Variants in ENTHD1 observed in about 807,000 individuals in gnomAD.
ENTHD1 encodes the protein ENTH domain-containing protein 1.
In ENTHD1, 23 loss-of-function variants were observed where a neutral mutation model predicts 39.1. The ratio of observed to expected loss-of-function variants is 0.59; its 90% confidence interval spans 0.42 to 0.83. The LOEUF (loss-of-function observed/expected upper bound fraction) is 0.83, where lower values mean the gene tolerates loss of function less well. Ranked by LOEUF, ENTHD1 falls within the 40% of genes least tolerant of loss-of-function variation. The pLI is 0.00. For missense variants in ENTHD1, 624 were observed against 705.4 expected (o/e 0.88, Z 1.31); for synonymous variants, 230 against 258.2 (o/e 0.89, Z 1.05).
intron 5 of ENTHD1, among the ~76,000 whole-genome samples, chr22:39,771,468 T>C (rs2065323946): frequency 1.3e-5 from 2 of 151,994 alleles, no homozygotes; most frequent in South Asian, 2.1e-4. Context: ...GGGAGAAATC[T>C]GGTTAAAAAA....
intron 5 of ENTHD1, among the ~76,000 whole-genome samples, chr22:39,820,212 T>G (rs901577350): frequency 6.6e-6 from 1 of 152,130 alleles, no homozygotes; most frequent in Non-Finnish European, 1.5e-5. Flanking sequence ...ATTATAGATC[T>G]ATATAAGGAG....
At chr22:39,843,742 G>T (rs2065964942) in intron 3 of ENTHD1, among the ~76,000 whole-genome samples, 1 of 152,266 alleles carries the variant, frequency 6.6e-6, no homozygotes, top group African/African-American at 2.4e-5. Context: ...GAGCTTTGAG[G>T]CTGGAATGGC....
chr22:39,797,027 T>C (rs1382631880), intron 5 of ENTHD1, among the ~76,000 whole-genome samples: 1 of 152,240 alleles, frequency 6.6e-6, no homozygotes, highest in African/African-American at 2.4e-5. Context: ...AATATTTGCT[T>C]TATATATCTG....
intron 3 of ENTHD1, among the ~76,000 whole-genome samples, chr22:39,853,583 T>A (rs1013767859): frequency 6.7e-6 from 1 of 149,930 alleles, no homozygotes; most frequent in Non-Finnish European, 1.5e-5. Flanking sequence ...CTTCTTATTA[T>A]TATTTTTTGA....
chr22:39,780,250 G>T (rs750084231), intron 5 of ENTHD1, among the ~76,000 whole-genome samples: 2 of 151,834 alleles, frequency 1.3e-5, no homozygotes, highest in African/African-American at 4.8e-5. Flanking sequence ...CATGGCATGC[G>T]CCTGTAGTCC....
intron 6 of ENTHD1, among the ~76,000 whole-genome samples, chr22:39,755,653 G>T (rs756183662): frequency 1.1e-4 from 16 of 152,060 alleles, no homozygotes; most frequent in Non-Finnish European, 2.2e-4. Flanking sequence ...AAACTCCTGG[G>T]TACTTTTGGA....
chr22:39,769,834 T>G (rs1489354196), intron 5 of ENTHD1, among the ~76,000 whole-genome samples: 2 of 152,110 alleles, frequency 1.3e-5, no homozygotes, highest in Non-Finnish European at 2.9e-5. Flanking sequence ...CAACAAATTT[T>G]GTGAAAAGGA....
chr22:39,840,346 C>T (rs898018238), intron 3 of ENTHD1, among the ~76,000 whole-genome samples: 2 of 152,164 alleles, frequency 1.3e-5, no homozygotes, highest in Non-Finnish European at 2.9e-5. Context: ...TCCCACTGAG[C>T]CCGCACCACT....
intron 2 of ENTHD1, 50 bp from the exon 3 acceptor site, chr22:39,862,057 ATAAT>A (rs771434348): frequency 7.5e-7 from 1 of 1,328,994 alleles, no homozygotes; most frequent in Admixed American, 2.8e-5. Flanking sequence ...AGTTAAGGCT[ATAAT>A]TAATTTTTTT....
intron 5 of ENTHD1, among the ~76,000 whole-genome samples, chr22:39,815,313 C>T (rs377765915): frequency 3.3e-5 from 5 of 151,720 alleles, no homozygotes; most frequent in South Asian, 2.1e-4. Flanking sequence ...CGTGGTGGTG[C>T]GCGCCTATAA....
At chr22:39,856,324 C>T (rs1383623273) in intron 3 of ENTHD1, among the ~76,000 whole-genome samples, 1 of 148,238 alleles carries the variant, frequency 6.7e-6, no homozygotes, top group Non-Finnish European at 1.5e-5. Context: ...CTTATTTTTT[C>T]CCACCCCAAC....
chr22:39,856,280 A>C (rs2066086140), intron 3 of ENTHD1, among the ~76,000 whole-genome samples: 1 of 151,530 alleles, frequency 6.6e-6, no homozygotes, highest in African/African-American at 2.4e-5. Context: ...ATCTCAAAAA[A>C]AAAAAAAAAA....
At chr22:39,777,419 G>C (rs2065373906) in intron 5 of ENTHD1, among the ~76,000 whole-genome samples, 1 of 152,134 alleles carries the variant, frequency 6.6e-6, no homozygotes, top group South Asian at 2.1e-4. Context: ...TGTGTACACA[G>C]TTGTAGGTCC....
chr22:39,745,794 G>T (rs738313), intron 6 of ENTHD1, among the ~76,000 whole-genome samples: 1 of 152,176 alleles, frequency 6.6e-6, no homozygotes, highest in Admixed American at 6.5e-5. Context: ...CTTAATGATC[G>T]TTTGGTTAAA....
At chr22:39,748,313 CTAGAAA>C (rs2065122678) in intron 6 of ENTHD1, among the ~76,000 whole-genome samples, 1 of 151,526 alleles carries the variant, frequency 6.6e-6, no homozygotes, top group Non-Finnish European at 1.5e-5. Flanking sequence ...AGAAAAGACT[CTAGAAA>C]TAGAATTTGG....
chr22:39,821,263 C>T, intron 4 of ENTHD1, 150 bp from the exon 5 acceptor site: 1 of 1,042,514 alleles, frequency 9.6e-7, no homozygotes, highest in Non-Finnish European at 1.4e-6. Context: ...TATCACTTGG[C>T]TGTCTACTGG....
rs188052765 is a variant in ENTHD1 at position 39,816,522 on chromosome 22, A to T, written c.832+4471T>A. Reference sequence around the variant, plus strand: ...AAGAAAAGTGAACCAATGGAATAGAATAGAGTTGTTAAACAGATACTATTT... The same window carrying T: ...AAGAAAAGTGAACCAATGGAATAGATTAGAGTTGTTAAACAGATACTATTT... On this transcript the variant is annotated intron_variant, in intron 5 of 6. Transcript: ENST00000325157. Among the ~76,000 whole-genome samples, 4 of 152,332 alleles carry T rather than the reference A, an allele frequency of 2.6e-5. No individual in the cohort carries two copies. In the East Asian group the frequency reaches 7.7e-4, roughly 29 times the overall value.
intron 5 of ENTHD1, among the ~76,000 whole-genome samples, chr22:39,808,969 C>G (rs924416994): frequency 2.0e-5 from 3 of 152,140 alleles, no homozygotes; most frequent in African/African-American, 4.8e-5. Flanking sequence ...AATTGGATGT[C>G]TTAATGTCAA....
At chr22:39,781,583 A>G (rs2065410473) in intron 5 of ENTHD1, among the ~76,000 whole-genome samples, 1 of 152,146 alleles carries the variant, frequency 6.6e-6, no homozygotes, top group Admixed American at 6.5e-5. Context: ...TAAACAACCT[A>G]ACAAGGCACC....
Sources: gnomAD v4.1 joint callset for allele counts (sites outside exome capture counted in the v4.1 genomes callset) on GRCh38, gnomAD v4.1.1 for gene constraint, MANE v1.5 for transcripts, NCBI Gene and HGNC (gene_info 2026-07-23, HGNC 2026-07-21) for gene names.